LUZP2: variants seen among roughly 807,000 people sequenced by gnomAD.
LUZP2 encodes the protein leucine zipper protein 2.
A neutral mutation model predicts 51.6 loss-of-function variants in LUZP2; 52 were observed. The observed-to-expected ratio is 1.01, with a 90% CI of 0.81 to 1.27. The LOEUF (loss-of-function observed/expected upper bound fraction) is 1.27. Ranked by LOEUF, LUZP2 falls within the 50% of genes most tolerant of loss-of-function variation. The pLI is 0.00. For missense variants in LUZP2, 436 were observed against 395.4 expected (o/e 1.10, Z -0.87); for synonymous variants, 154 against 137.3 (o/e 1.12, Z -0.85).
At chr11:24,820,173 G>A (rs1850315609) in intron 5 of LUZP2, among the ~76,000 whole-genome samples, 1 of 152,158 alleles carries the variant, frequency 6.6e-6, no homozygotes, top group African/African-American at 2.4e-5. Context: ...CGCATACAGT[G>A]ACAAAAGAGC....
chr11:24,826,515 C>CTT (rs201166299), intron 5 of LUZP2, among the ~76,000 whole-genome samples: 4 of 140,488 alleles, frequency 2.8e-5, no homozygotes, highest in East Asian at 2.1e-4. Flanking sequence ...GAGTATTAAA[C>CTT]TTTTTTTTTT....
At chr11:24,975,161 T>C (rs556027477) in intron 7 of LUZP2, among the ~76,000 whole-genome samples, 7 of 152,212 alleles carry the variant, frequency 4.6e-5, no homozygotes, top group African/African-American at 1.4e-4. Flanking sequence ...TTTATATATG[T>C]ATATTCTGTC....
chr11:24,760,257 G>C (rs966869913), intron 4 of LUZP2, among the ~76,000 whole-genome samples: 1 of 152,140 alleles, frequency 6.6e-6, no homozygotes, highest in Non-Finnish European at 1.5e-5. Context: ...AGGCTTCAGA[G>C]CAAATAGATT....
chr11:25,010,361 C>G (rs992609397), intron 9 of LUZP2, among the ~76,000 whole-genome samples: 1 of 151,220 alleles, frequency 6.6e-6, no homozygotes, highest in Non-Finnish European at 1.5e-5. Context: ...TGAGACCAGC[C>G]TGGCCAATAT....
At chr11:24,749,799 G>A (rs1469873331) in intron 4 of LUZP2, among the ~76,000 whole-genome samples, 1 of 152,066 alleles carries the variant, frequency 6.6e-6, no homozygotes, top group African/African-American at 2.4e-5. Flanking sequence ...TTATACCAGT[G>A]GTTTGCCAGG....
chr11:24,677,681 G>C (rs1856607419), intron 1 of LUZP2, among the ~76,000 whole-genome samples: 2 of 151,846 alleles, frequency 1.3e-5, no homozygotes, highest in Admixed American at 1.3e-4. Flanking sequence ...AAATATATAT[G>C]AACATGTTCA....
chr11:24,786,013 G>C, intron 5 of LUZP2: 1 of 985,272 alleles, frequency 1.0e-6, no homozygotes, highest in Non-Finnish European at 1.2e-6. Context: ...GTGGTACCCA[G>C]AGTTGGGGCA....
intron 1 of LUZP2, among the ~76,000 whole-genome samples, chr11:24,633,256 A>T (rs557785849): frequency 6.6e-6 from 1 of 152,184 alleles, no homozygotes; most frequent in East Asian, 1.9e-4. Context: ...TGAAACAAAC[A>T]GATCTGCCAC....
chr11:24,626,788 T>G (rs1415728261), intron 1 of LUZP2, among the ~76,000 whole-genome samples: 1 of 152,154 alleles, frequency 6.6e-6, no homozygotes, highest in Non-Finnish European at 1.5e-5. Flanking sequence ...CTGATCAACA[T>G]TAAACTAATT....
chr11:24,792,293 G>T (rs551859096), intron 5 of LUZP2, among the ~76,000 whole-genome samples: 1 of 152,094 alleles, frequency 6.6e-6, no homozygotes, highest in South Asian at 2.1e-4. Context: ...TGGGCATGGT[G>T]GTGCACACCT....
At chr11:24,577,434 A>G (rs990853520) in intron 1 of LUZP2, among the ~76,000 whole-genome samples, 10 of 152,122 alleles carry the variant, frequency 6.6e-5, no homozygotes, top group African/African-American at 2.2e-4. Context: ...GTTACTCCCA[A>G]TATGCTAGAG....
chr11:24,683,170 C>G (rs1325477475), intron 1 of LUZP2, among the ~76,000 whole-genome samples: 1 of 152,126 alleles, frequency 6.6e-6, no homozygotes, highest in African/African-American at 2.4e-5. Context: ...GGAAGACAGG[C>G]CGGCAGGCTA....
intron 4 of LUZP2, among the ~76,000 whole-genome samples, chr11:24,743,183 T>A (rs1380159575): frequency 6.6e-6 from 1 of 152,126 alleles, no homozygotes; most frequent in African/African-American, 2.4e-5. Context: ...TCTTTTTTGT[T>A]TCCATATAAA....
chr11:24,840,712 T>C (rs567565083), intron 5 of LUZP2, among the ~76,000 whole-genome samples: 45 of 152,050 alleles, frequency 3.0e-4, no homozygotes, highest in Admixed American at 2.3e-3. Flanking sequence ...GGTTAGGTAA[T>C]TTTCCAAGGT....
chr11:24,536,343 T>C (rs1430280714), intron 1 of LUZP2, among the ~76,000 whole-genome samples: 1 of 151,848 alleles, frequency 6.6e-6, no homozygotes, highest in Admixed American at 6.6e-5. Flanking sequence ...ATGAAAGTCC[T>C]CAGTAGCATT....
At chr11:24,609,531 G>A (rs1854045625) in intron 1 of LUZP2, among the ~76,000 whole-genome samples, 1 of 151,860 alleles carries the variant, frequency 6.6e-6, no homozygotes, top group Non-Finnish European at 1.5e-5. Flanking sequence ...TTCAAGACCA[G>A]CCTGGCCAAC....
At chr11:24,953,314 C>T (rs1163674113) in intron 7 of LUZP2, among the ~76,000 whole-genome samples, 2 of 151,764 alleles carry the variant, frequency 1.3e-5, no homozygotes, top group Non-Finnish European at 2.9e-5. Context: ...CACAAATAGC[C>T]CTAGGGGACC....
At chr11:24,604,986 A>G (rs535994563) in intron 1 of LUZP2, among the ~76,000 whole-genome samples, 4 of 151,940 alleles carry the variant, frequency 2.6e-5, no homozygotes, top group Admixed American at 1.3e-4. Flanking sequence ...ATCAAGCTAG[A>G]AAGATCAAGA....
At chr11:24,529,403 T>C (rs891358582) in intron 1 of LUZP2, among the ~76,000 whole-genome samples, 1 of 151,130 alleles carries the variant, frequency 6.6e-6, no homozygotes, top group East Asian at 1.9e-4. Flanking sequence ...TAAGTACTAA[T>C]CATGACTACT....
Sources: allele counts gnomAD v4.1 joint callset (sites outside exome capture counted in the v4.1 genomes callset), GRCh38; gene constraint gnomAD v4.1.1; transcripts MANE v1.5; gene names NCBI Gene and HGNC (gene_info 2026-07-23, HGNC 2026-07-21).